Variants in BAZ2B observed in about 807,000 individuals in gnomAD.
BAZ2B encodes bromodomain adjacent to zinc finger domain protein 2B.
In BAZ2B, 91 loss-of-function variants were observed where a neutral mutation model predicts 246.0. The observed-to-expected ratio is 0.37, with a 90% CI of 0.31 to 0.44. BAZ2B has a LOEUF of 0.44. Among genes scored for constraint, BAZ2B ranks in the 20% least tolerant of loss-of-function variants. BAZ2B has a pLI of 1.00. For missense variants in BAZ2B, 2,332 were observed against 2,533.7 expected (o/e 0.92, Z 1.71); for synonymous variants, 855 against 860.0 (o/e 0.99, Z 0.10).
chr2:159,397,441 T>C (rs921634944), intron 18 of BAZ2B, 52 bp from the exon 19 acceptor site: 1 of 1,240,476 alleles, frequency 8.1e-7, no homozygotes, highest in Non-Finnish European at 1.1e-6. Context: ...ATTTAGAACA[T>C]GCTAAAAGTA....
intron 32 of BAZ2B, 86 bp from the exon 33 acceptor site, chr2:159,337,163 G>A: frequency 6.8e-7 from 1 of 1,470,470 alleles, no homozygotes; most frequent in South Asian, 1.2e-5. Context: ...TGAAAGCCAA[G>A]CAATGACAAA....
chr2:159,422,837 C>T (rs2069009215), intron 13 of BAZ2B, among the ~76,000 whole-genome samples: 1 of 152,034 alleles, frequency 6.6e-6, no homozygotes, highest in South Asian at 2.1e-4. Flanking sequence ...TATCTAGACT[C>T]TGTAAGAAAC....
chr2:159,602,053 A>G lies in BAZ2B; in HGVS notation c.-46+14189T>C, dbSNP rs567323913. Among the ~76,000 whole-genome samples, 10 of 152,316 alleles carry G rather than the reference A, an allele frequency of 6.6e-5. No homozygotes were observed. The East Asian group carries it at 1.5e-3, about 23-fold the overall frequency. Reference sequence around the variant, plus strand: ...CAACAGTCGGTAGGATGTTTTGGGGAAAACTGGAGTCTTCTGGAAGAAAAA... The same window carrying G: ...CAACAGTCGGTAGGATGTTTTGGGGGAAACTGGAGTCTTCTGGAAGAAAAA... On this transcript the variant is annotated intron_variant, in intron 1 of 36. Coordinates refer to ENST00000392783, the MANE Select transcript of BAZ2B (RefSeq NM_013450.4).
At chr2:159,512,322 A>C (rs2083013799) in intron 2 of BAZ2B, among the ~76,000 whole-genome samples, 1 of 152,232 alleles carries the variant, frequency 6.6e-6, no homozygotes, top group African/African-American at 2.4e-5. Flanking sequence ...AAAAGGTTTA[A>C]GTTTTTAAAA....
intron 8 of BAZ2B, chr2:159,437,522 T>C (rs976715029): frequency 1.2e-4 from 18 of 152,122 alleles, no homozygotes; most frequent in Admixed American, 1.2e-3. Flanking sequence ...TGAACCACCA[T>C]GTCTGGCCAG....
chr2:159,537,042 C>T (rs1330136226), intron 2 of BAZ2B, among the ~76,000 whole-genome samples: 1 of 152,114 alleles, frequency 6.6e-6, no homozygotes, highest in Non-Finnish European at 1.5e-5. Context: ...TAAAATATGG[C>T]ATACACACAC....
At chr2:159,391,682 G>C (rs1261029141) in intron 20 of BAZ2B, among the ~76,000 whole-genome samples, 1 of 151,938 alleles carries the variant, frequency 6.6e-6, no homozygotes, top group Admixed American at 6.6e-5. Context: ...AGATAAATAT[G>C]GATTATATTC....
intron 1 of BAZ2B, among the ~76,000 whole-genome samples, chr2:159,604,523 C>T (rs187660783): frequency 6.6e-6 from 1 of 152,190 alleles, no homozygotes; most frequent in East Asian, 1.9e-4. Flanking sequence ...GTATGATAAG[C>T]CTGCCTTATC....
chr2:159,615,467 T>C (rs1178092570), intron 1 of BAZ2B: 5 of 152,590 alleles, frequency 3.3e-5, no homozygotes, highest in African/African-American at 1.2e-4. Context: ...TCCAGATCTT[T>C]TCCCAATCCC....
At chr2:159,522,150 G>T (rs923509985) in intron 2 of BAZ2B, among the ~76,000 whole-genome samples, 1 of 151,864 alleles carries the variant, frequency 6.6e-6, no homozygotes, top group African/African-American at 2.4e-5. Context: ...GTAATACTGG[G>T]AATTTTCTTA....
chr2:159,346,522 T>C (rs1038770379), intron 31 of BAZ2B, among the ~76,000 whole-genome samples: 2 of 152,058 alleles, frequency 1.3e-5, no homozygotes, highest in Admixed American at 6.6e-5. Flanking sequence ...CTGGCCAACG[T>C]GGCAAAACCC....
the BAZ2B span, chr2:159,694,900 C>T: frequency 6.6e-6 from 1 of 152,278 alleles, no homozygotes; most frequent in South Asian, 2.1e-4. Flanking sequence ...TGCTAAACTG[C>T]TTTCCCAAAC....
chr2:159,457,124 CA>C (rs1295287379), intron 3 of BAZ2B, among the ~76,000 whole-genome samples: 1 of 152,076 alleles, frequency 6.6e-6, no homozygotes, highest in East Asian at 1.9e-4. Flanking sequence ...TGTTATTTAA[CA>C]GTTTCAGTAA....
intron 1 of BAZ2B, among the ~76,000 whole-genome samples, chr2:159,602,524 G>A (rs1193109283): frequency 6.6e-6 from 1 of 152,072 alleles, no homozygotes; most frequent in African/African-American, 2.4e-5. Context: ...TATGCTGTAG[G>A]AAGTTATTTA....
At chr2:159,594,928 T>C (rs977159962) in intron 1 of BAZ2B, among the ~76,000 whole-genome samples, 2 of 150,890 alleles carry the variant, frequency 1.3e-5, no homozygotes, top group African/African-American at 4.9e-5. Context: ...CCACCGGGCA[T>C]GGCCCAACAA....
At chr2:159,453,164 C>G (rs2075307812) in intron 4 of BAZ2B, among the ~76,000 whole-genome samples, 1 of 152,002 alleles carries the variant, frequency 6.6e-6, no homozygotes, top group Non-Finnish European at 1.5e-5. Flanking sequence ...AGCTCATTTT[C>G]CTTACAGTGA....
chr2:159,595,547 G>GAGAA (rs1690498077), intron 1 of BAZ2B, among the ~76,000 whole-genome samples: 1 of 152,208 alleles, frequency 6.6e-6, no homozygotes, highest in Admixed American at 6.5e-5. Flanking sequence ...CTGCTAAAAT[G>GAGAA]CTGGTATATG....
chr2:159,424,066 A>T (rs1230885690), intron 13 of BAZ2B, among the ~76,000 whole-genome samples: 1 of 152,216 alleles, frequency 6.6e-6, no homozygotes, highest in Admixed American at 6.5e-5. Context: ...ATCAAACTAC[A>T]TGCTTAAAAA....
chr2:159,589,872 T>C (rs961794528), intron 1 of BAZ2B, among the ~76,000 whole-genome samples: 1 of 151,978 alleles, frequency 6.6e-6, no homozygotes, highest in Non-Finnish European at 1.5e-5. Context: ...TTCCCAAACC[T>C]TTAAGTCAAC....
Sources: allele counts gnomAD v4.1 joint callset (sites outside exome capture counted in the v4.1 genomes callset), GRCh38; gene constraint gnomAD v4.1.1; transcripts MANE v1.5; gene names NCBI Gene and HGNC (gene_info 2026-07-23, HGNC 2026-07-21).